Variants in CRTAM observed in about 807,000 individuals in gnomAD.
CRTAM encodes the protein cytotoxic and regulatory T-cell molecule.
A neutral mutation model predicts 50.0 loss-of-function variants in CRTAM; 44 were observed. The observed-to-expected ratio is 0.88, with a 90% CI of 0.69 to 1.13. The LOEUF (loss-of-function observed/expected upper bound fraction) is 1.13. Among genes scored for constraint, CRTAM ranks in the 50% most tolerant of loss-of-function variants. The pLI is 0.00. For missense variants in CRTAM, 448 were observed against 457.5 expected, an observed-to-expected ratio of 0.98 and a Z score of 0.19; for synonymous variants, 159 against 169.3, an observed-to-expected ratio of 0.94 and a Z score of 0.47.
At chr11:122,841,338 T>C (rs1382206596) in intron 1 of CRTAM, among the ~76,000 whole-genome samples, 2 of 152,226 alleles carry the variant, frequency 1.3e-5, no homozygotes, top group East Asian at 3.9e-4. Flanking sequence ...TTATTTGATA[T>C]AACAGTTAAA....
intron 1 of CRTAM, among the ~76,000 whole-genome samples, chr11:122,845,812 G>A (rs1335590421): frequency 6.6e-6 from 1 of 152,088 alleles, no homozygotes; most frequent in Non-Finnish European, 1.5e-5. Flanking sequence ...TTTTAATATG[G>A]GATGAATAGT....
Position 122,862,448 on chromosome 11 carries a change from T to G in CRTAM, c.653-16T>G. 6.3e-7 allele frequency: 1 copy of G among 1,585,410 alleles called. No individual in the cohort carries two copies. The highest frequency in any genetic ancestry group is 8.7e-7 in the Non-Finnish European group (1 of 1,153,802). The stretch of plus-strand genomic sequence containing the variant: ...GCTCTCTATAGTAGCAGAATTTTGT[T>G]TTTCCCCTTTCCTAGTTACTGATGA... On this transcript the variant is annotated splice_polypyrimidine_tract_variant and intron_variant, in intron 5 of 9. Transcript: ENST00000227348.
rs774935859 is a variant in CRTAM, at chr11:122,853,958, C to T, written c.362C>T (p.Pro121Leu). Residue 121 changes from proline (P) to leucine (L), a missense_variant, in exon 4 of 10, where the codon CCA becomes CTA. Pro to Leu is a moderately conservative substitution (Grantham distance 98, BLOSUM62 -3). Transcript: ENST00000227348. ...TTTGTTCTAGCAACTCCTTTCAAGC[C>T]AATCCTGGAAGCTTCAGTTATCAGA... ...KVIVLATPFK[P>L]ILEASVIRKQ... 1.2e-6 allele frequency: 2 copies of T among 1,613,828 alleles called. No homozygotes were observed. The highest frequency in any genetic ancestry group is 1.3e-5 in the African/African-American group (1 of 75,012).
chr11:122,868,247 G>A lies in CRTAM; in HGVS notation c.1051+148G>A, dbSNP rs148416971. 1,078 of 522,334 alleles carry A rather than the reference G, an allele frequency of 2.1e-3. 14 individuals are homozygous for A. The African/African-American group carries it at 0.021, about 10-fold the overall frequency. 32.4% of individuals were successfully genotyped at this position (522,334 alleles called of 1,614,324 possible). A position where few individuals can be genotyped will look rare whatever the true frequency, so the allele number is the denominator to read the frequency against. On this transcript the variant is annotated intron_variant, in intron 9 of 9. Transcript: ENST00000227348. ...GTGTGTGTGTGTGTGTATGAGGTGG[G>A]ATTTATTAGGGGAATTGGCTCATGA...
At chr11:122,860,418 T>C (rs1862056726) in intron 5 of CRTAM, among the ~76,000 whole-genome samples, 1 of 152,148 alleles carries the variant, frequency 6.6e-6, no homozygotes, top group Non-Finnish European at 1.5e-5. Context: ...GTGCATACCA[T>C]ATTGGATAGC....
intron 9 of CRTAM, among the ~76,000 whole-genome samples, chr11:122,870,670 C>T (rs1026084124): frequency 6.6e-6 from 1 of 152,158 alleles, no homozygotes; most frequent in African/African-American, 2.4e-5. Context: ...TTCTAGTGTG[C>T]AATTTTGCTA....
At chr11:122,854,942 C>G (rs1248246192) in intron 4 of CRTAM, among the ~76,000 whole-genome samples, 9 of 152,080 alleles carry the variant, frequency 5.9e-5, no homozygotes, top group Non-Finnish European at 7.4e-5. Context: ...CCTTTGATAT[C>G]TATGTAATCA....
intron 2 of CRTAM, among the ~76,000 whole-genome samples, chr11:122,850,565 G>A (rs1343288764): frequency 1.3e-5 from 2 of 152,140 alleles, no homozygotes; most frequent in South Asian, 2.1e-4. Flanking sequence ...CTGGGAGCCC[G>A]ATCCTCATGC....
Position 122,864,715 on chromosome 11 carries a change from C to A in CRTAM, c.813C>A (p.Thr271=). The A allele has an allele frequency of 1.9e-6, 3 of 1,606,166 alleles. No individual in the cohort carries two copies. Among genetic ancestry groups the A allele is most frequent in the Non-Finnish European group, 2.6e-6 (3 of 1,172,802 alleles). Residue 271 remains threonine (T), a synonymous_variant, in exon 7 of 10, where the codon ACC becomes ACA. Transcript: ENST00000227348. ...KEQTTQDPDL[T]TEANPQYLGL... is the part of the protein sequence containing the mutation. The stretch of plus-strand genomic sequence containing the variant: ...AAACCACTCAAGATCCTGACTTGAC[C>A]ACCGGTAAGTGTCACCCACTGCATT...
Position 122,854,040 on chromosome 11 carries a change from C to G in CRTAM, c.444C>G (p.Pro148=), listed in dbSNP as rs1359591054. 6.2e-7 allele frequency: 1 copy of G among 1,614,012 alleles called. No homozygotes were observed. Among genetic ancestry groups the G allele is most frequent in the Non-Finnish European group, 8.5e-7 (1 of 1,179,964 alleles). The change falls in exon 4 of 10, where the codon CCC becomes CCG. Residue 148 remains proline (P), a synonymous_variant. Coordinates refer to ENST00000227348, the MANE Select transcript of CRTAM (RefSeq NM_019604.4). ...VLMCSTMRSK[P]PPQITWLLGN... ...TGTGCTCCACCATGAGAAGCAAGCC[C>G]CCTCCGCAGATAACCTGGCTACTTG...
chr11:122,838,899 G>T (rs573277570), intron 1 of CRTAM, among the ~76,000 whole-genome samples: 147 of 152,206 alleles, frequency 9.7e-4, no homozygotes, highest in African/African-American at 3.4e-3. Flanking sequence ...CCAGTTGAAA[G>T]AGCATCCGTA....
chr11:122,862,249 C>T (rs1163846874), intron 5 of CRTAM: 2 of 567,348 alleles, frequency 3.5e-6, no homozygotes, highest in Non-Finnish European at 6.3e-6. Flanking sequence ...GTCCAGCATG[C>T]TGTGCTTTAA....
chr11:122,865,449 G>GTC (rs755438513), intron 7 of CRTAM, among the ~76,000 whole-genome samples: 55 of 151,716 alleles, frequency 3.6e-4, no homozygotes, highest in Admixed American at 7.9e-4. Flanking sequence ...TAGAGACAGG[G>GTC]TCTCTCTCTG....
At chr11:122,861,406 ATATATATATATATATTTTTTTTTT>A (rs1862075684) in intron 5 of CRTAM, among the ~76,000 whole-genome samples, 2 of 19,016 alleles carry the variant, frequency 1.1e-4, no homozygotes, top group Admixed American at 6.0e-4. Context: ...ATATATATAT[ATATATATATATATATTTTTTTTTT>A]TTTTTTTTTT....
chr11:122,866,978 C>T (rs983915724), intron 7 of CRTAM, among the ~76,000 whole-genome samples: 1 of 152,098 alleles, frequency 6.6e-6, no homozygotes, highest in African/African-American at 2.4e-5. Flanking sequence ...TTTAACCTAA[C>T]CAAGATAAAT....
At position 122,851,843 on chromosome 11, in the gene CRTAM, T is replaced by A; in HGVS notation, c.344T>A (p.Leu115Gln). Residue 115 changes from leucine (L) to glutamine (Q), a missense_variant and splice_region_variant, in exon 3 of 10, where the codon CTG (leucine) becomes CAG (glutamine). Physicochemically the swap from Leu to Gln is moderately radical, Grantham distance 113. Coordinates refer to ENST00000227348, the MANE Select transcript of CRTAM (RefSeq NM_019604.4). Reference sequence around the variant, plus strand: ...ACAAAGGAAGTGAAAGTGATTGTGCTGGGTAGGTACCTGCAAGTGAACCCA... The same window carrying A: ...ACAAAGGAAGTGAAAGTGATTGTGCAGGGTAGGTACCTGCAAGTGAACCCA... Reference protein sequence around the residue: ...VSTKEVKVIVLATPFKPILEA... With the variant: ...VSTKEVKVIVQATPFKPILEA... 2 of 1,614,086 alleles carry A rather than the reference T, an allele frequency of 1.2e-6. No individual in the cohort carries two copies. Among genetic ancestry groups the A allele is most frequent in the Non-Finnish European group, 1.7e-6 (2 of 1,179,950 alleles).
intron 1 of CRTAM, among the ~76,000 whole-genome samples, chr11:122,838,974 G>A (rs1218132590): frequency 1.3e-5 from 2 of 152,034 alleles, no homozygotes; most frequent in Non-Finnish European, 1.5e-5. Flanking sequence ...TGTCGCCCAG[G>A]CTGGAGTGCA....
At chr11:122,868,732 G>T (rs1312159932) in intron 9 of CRTAM, among the ~76,000 whole-genome samples, 16 of 152,180 alleles carry the variant, frequency 1.1e-4, no homozygotes, top group Non-Finnish European at 7.3e-5. Flanking sequence ...AAGGAGGCTG[G>T]GTACGGTGGC....
chr11:122,869,692 G>A (rs1862229333), intron 9 of CRTAM, among the ~76,000 whole-genome samples: 2 of 152,102 alleles, frequency 1.3e-5, no homozygotes, highest in African/African-American at 4.8e-5. Context: ...CTATTCTATT[G>A]GTTTTACTGA....
Sources: gnomAD v4.1 joint callset for allele counts (sites outside exome capture counted in the v4.1 genomes callset) on GRCh38, gnomAD v4.1.1 for gene constraint, MANE v1.5 for transcripts, NCBI Gene and HGNC (gene_info 2026-07-23, HGNC 2026-07-21) for gene names.